Variants in ZNF653 observed in about 807,000 individuals in gnomAD.
ZNF653 encodes the protein zinc finger protein 653.
A neutral mutation model predicts 59.9 loss-of-function variants in ZNF653; 37 were observed. That is an observed-to-expected ratio of 0.62 (90% CI 0.48 to 0.81). ZNF653 has a LOEUF of 0.81. Ranked by LOEUF, ZNF653 falls within the 40% of genes least tolerant of loss-of-function variation. The pLI, the probability that ZNF653 is intolerant of heterozygous loss-of-function variation, is 0.00. For synonymous variants in ZNF653, 435 were observed against 371.8 expected (o/e 1.17, Z -1.96); for missense variants, 808 against 881.1 (o/e 0.92, Z 1.05).
At chr19:11,490,076 G>C (rs756404081) in intron 3 of ZNF653, among the ~76,000 whole-genome samples, 3 of 152,230 alleles carry the variant, frequency 2.0e-5, no homozygotes, top group Non-Finnish European at 4.4e-5. Flanking sequence ...GATGTCAGCT[G>C]CAAGTCCTGG....
At chr19:11,493,553 T>G (rs1057193995) in intron 3 of ZNF653, among the ~76,000 whole-genome samples, 26 of 152,154 alleles carry the variant, frequency 1.7e-4, no homozygotes, top group African/African-American at 6.3e-4. Context: ...TAATTTCCCC[T>G]TGTCCTGTAT....
At chr19:11,483,922 C>T (rs1971436373) in intron 8 of ZNF653, 63 bp from the exon 9 acceptor site, 1 of 1,515,572 alleles carries the variant, frequency 6.6e-7, no homozygotes, top group Non-Finnish European at 8.8e-7. Context: ...CGGGGCCCTA[C>T]AAGGCCGAGC....
chr19:11,495,820 C>A lies in ZNF653; in HGVS notation c.559+130G>T, dbSNP rs1971580720. ...CTCAGCCTGGCCCATCGTGTCCCTG[C>A]TCTGCCCCAGTGCCAGAGCCAGAGC... is the stretch of plus-strand genomic sequence containing the variant. On this transcript the variant is annotated intron_variant, in intron 3 of 8. Transcript: ENST00000293771. This position sits in a 1 kb window ranked among gnomAD's most constrained non-coding sequence, Gnocchi z 4.9. 2.1e-6 allele frequency: 2 copies of A among 968,324 alleles called. No individual in the cohort carries two copies. The highest frequency in any genetic ancestry group is 1.5e-6 in the Non-Finnish European group (1 of 652,448). 60.0% of individuals were successfully genotyped at this position (968,324 alleles called of 1,614,324 possible). A position where few individuals can be genotyped will look rare whatever the true frequency, so the allele number is the denominator to read the frequency against.
Position 11,483,555 on chromosome 19 carries a change from G to C in ZNF653, c.*127C>G, listed in dbSNP as rs890324387. On this transcript the variant is annotated 3_prime_UTR_variant, in exon 9 of 9. Transcript: ENST00000293771. Reference sequence around the variant, plus strand: ...AACCTGCCCAGGGGGCCCAGCTCTGGGGCGGGGCGGGGGCGCCTCCTTCCG... The same window carrying C: ...AACCTGCCCAGGGGGCCCAGCTCTGCGGCGGGGCGGGGGCGCCTCCTTCCG... 11 of 1,425,140 alleles carry C rather than the reference G, an allele frequency of 7.7e-6. No individual in the cohort carries two copies. The highest frequency in any genetic ancestry group is 1.0e-5 in the Non-Finnish European group (11 of 1,087,392). The allele number at this position is 1,425,140 out of a possible 1,614,324, so 88.3% of individuals were successfully genotyped here.
Position 11,487,743 on chromosome 19 carries a change from C to A in ZNF653, c.720G>T (p.Glu240Asp), listed in dbSNP as rs758865574. The change falls in exon 4 of 9, where the codon GAG (glutamate) becomes GAT (aspartate). Residue 240 changes from glutamate to aspartate, a missense_variant. Physicochemically the swap from Glu to Asp is conservative, Grantham distance 45 (BLOSUM62 2). Transcript: ENST00000293771. This position sits in a 1 kb window ranked among gnomAD's most constrained non-coding sequence, Gnocchi z 5.1. ...PVGSSGLITQEGVHIPFDVHH... is the reference protein window; with the variant it reads ...PVGSSGLITQDGVHIPFDVHH... ...GGACGTCAAAGGGAATGTGCACGCC[C>A]TCCTGAGTGATGAGCCCGCTGCTGC... The A allele has an allele frequency of 3.1e-6, 5 of 1,613,456 alleles. No individual in the cohort carries two copies. The highest frequency in any genetic ancestry group is 1.1e-5 in the South Asian group (1 of 91,070).
In ZNF653 at chr19:11,496,024, G is replaced by C; in HGVS notation, c.485C>G (p.Ala162Gly). ...LYTTAVWQCE[A>G]GHRYFQDLHS... ...CAGGTCCTGGAAGTAGCGGTGGCCA[G>C]CTTCGCACTGCCACACGGCCGTGGT... The change falls in exon 3 of 9, where the codon GCT becomes GGT. Residue 162 changes from alanine (A) to glycine (G), a missense_variant. Coordinates refer to ENST00000293771, the MANE Select transcript of ZNF653 (RefSeq NM_138783.4). The C allele has an allele frequency of 6.2e-7, 1 of 1,614,168 alleles. No homozygotes were observed. The highest frequency in any genetic ancestry group is 8.5e-7 in the Non-Finnish European group (1 of 1,180,024).
intron 2 of ZNF653, 97 bp downstream of exon 2, chr19:11,498,199 C>T (rs1971608121): frequency 3.9e-6 from 6 of 1,555,434 alleles, no homozygotes; most frequent in South Asian, 1.1e-5. Context: ...TCCAACTGTG[C>T]TGCCTAGGGC....
intron 3 of ZNF653, among the ~76,000 whole-genome samples, chr19:11,494,399 C>T (rs1436229216): frequency 6.7e-6 from 1 of 150,270 alleles, no homozygotes; most frequent in African/African-American, 2.5e-5. Flanking sequence ...CATAACATAA[C>T]ATAACATAAG....
At chr19:11,494,021 A>T (rs1351392045) in intron 3 of ZNF653, among the ~76,000 whole-genome samples, 3 of 151,772 alleles carry the variant, frequency 2.0e-5, no homozygotes, top group South Asian at 2.1e-4. Context: ...TGTCTTAAAA[A>T]AAATAAATAA....
In ZNF653 at chr19:11,496,048, G is replaced by A; in HGVS notation, c.461C>T (p.Thr154Ile). Reference protein sequence around the residue: ...AELDPTFGLYTTAVWQCEAGH... With the variant: ...AELDPTFGLYITAVWQCEAGH... Reference sequence around the variant, plus strand: ...AGCTTCGCACTGCCACACGGCCGTGGTGTACAGGCCAAAAGTGGGGTCTAG... The same window carrying A: ...AGCTTCGCACTGCCACACGGCCGTGATGTACAGGCCAAAAGTGGGGTCTAG... The change falls in exon 3 of 9, where the codon ACC becomes ATC. Residue 154 changes from threonine to isoleucine, a missense_variant. Coordinates refer to ENST00000293771, the MANE Select transcript of ZNF653 (RefSeq NM_138783.4). 6.2e-7 allele frequency: 1 copy of A among 1,614,174 alleles called. No homozygotes were observed. Among genetic ancestry groups the A allele is most frequent in the East Asian group, 2.2e-5 (1 of 44,880 alleles).
intron 3 of ZNF653, among the ~76,000 whole-genome samples, chr19:11,488,422 G>T (rs1971494740): frequency 6.6e-6 from 1 of 151,788 alleles, no homozygotes; most frequent in African/African-American, 2.4e-5. Flanking sequence ...TTACAGGTGT[G>T]AGCCACCGCG....
chr19:11,486,806 C>T lies in ZNF653; in HGVS notation c.1418G>A (p.Gly473Asp). The T allele has an allele frequency of 6.2e-7, 1 of 1,611,478 alleles. No individual in the cohort carries two copies. Among genetic ancestry groups the T allele is most frequent in the Non-Finnish European group, 8.5e-7 (1 of 1,178,996 alleles). ...GAGGGCCACGTAGACTTGGCTGCAGCCCTCGTATGGGCAGTGGAACATCTC... is the reference window on the plus strand; with the variant it reads ...GAGGGCCACGTAGACTTGGCTGCAGTCCTCGTATGGGCAGTGGAACATCTC... ...LLEMFHCPYE[G>D]CSQVYVALSS... Residue 473 changes from glycine to aspartate, a missense_variant, in exon 6 of 9, where the codon GGC becomes GAC. Physicochemically the swap from Gly to Asp is moderately conservative, Grantham distance 94 (BLOSUM62 -1). Coordinates refer to ENST00000293771, the MANE Select transcript of ZNF653 (RefSeq NM_138783.4).
At chr19:11,503,480 C>T (rs1029397968) in intron 1 of ZNF653, among the ~76,000 whole-genome samples, 14 of 152,278 alleles carry the variant, frequency 9.2e-5, no homozygotes, top group African/African-American at 1.7e-4. Context: ...CTCTCATGGA[C>T]GATACAATTT....
intron 3 of ZNF653, 105 bp from the exon 4 acceptor site, chr19:11,488,008 G>C: frequency 1.1e-6 from 1 of 915,702 alleles, no homozygotes; most frequent in Non-Finnish European, 1.3e-6. Context: ...ATTTTTTTGA[G>C]ACAGAGTCTC....
chr19:11,483,680 G>A lies in ZNF653; in HGVS notation c.*2C>T, dbSNP rs745816492. 2 of 1,610,892 alleles carry A rather than the reference G, an allele frequency of 1.2e-6. No homozygotes were observed. The highest frequency in any genetic ancestry group is 1.3e-5 in the African/African-American group (1 of 74,834). ...AATAGGGGCGGTCAGTGGTCAGGTGGGTCAGGTGGGCTTGTGATCCGGGTG... is the reference window on the plus strand; with the variant it reads ...AATAGGGGCGGTCAGTGGTCAGGTGAGTCAGGTGGGCTTGTGATCCGGGTG... On this transcript the variant is annotated 3_prime_UTR_variant, in exon 9 of 9. Transcript: ENST00000293771.
rs1049122083 is a variant in ZNF653 at position 11,488,302 on chromosome 19, G to A, written c.560-399C>T. Among the ~76,000 whole-genome samples, 114 of 150,188 alleles carry A rather than the reference G, an allele frequency of 7.6e-4. 2 individuals carry two copies. The highest frequency in any genetic ancestry group is 5.9e-3 in the Admixed American group (89 of 15,050). On this transcript the variant is annotated intron_variant, in intron 3 of 8. Transcript: ENST00000293771. ...GTAGCTGGGACTACAGGCATGTGCC[G>A]CCATGCCCGGCTAATGTTTTGTATT... is the stretch of plus-strand genomic sequence containing the variant.
intron 8 of ZNF653, 42 bp from the exon 9 acceptor site, chr19:11,483,901 G>A (rs566639376): frequency 1.3e-6 from 2 of 1,501,164 alleles, no homozygotes; most frequent in Admixed American, 2.0e-5. Context: ...GTCAGAGTGG[G>A]CGGGGCGGGG....
At position 11,505,523 on chromosome 19, in the gene ZNF653, G is replaced by A. The variant is rs1801460818; in HGVS notation, c.264C>T (p.Ile88=). Residue 88 remains isoleucine, a synonymous_variant, in exon 1 of 9, where the codon ATC becomes ATT. Transcript: ENST00000293771. The stretch of plus-strand genomic sequence containing the variant: ...CGCTCCGCTGGCCGCGCTCCAGAGA[G>A]ATGAGGTAGGCGGCGAGCTTGGCGT... ...WSDAKLAAYL[I]SLERGQRSGR... 1.3e-6 allele frequency: 2 copies of A among 1,515,358 alleles called. No individual in the cohort carries two copies. Among genetic ancestry groups the A allele is most frequent in the East Asian group, 2.8e-5 (1 of 35,546 alleles). 93.9% of individuals were successfully genotyped at this position (1,515,358 alleles called of 1,614,324 possible).
At chr19:11,492,454 A>G (rs1971539247) in intron 3 of ZNF653, among the ~76,000 whole-genome samples, 1 of 152,024 alleles carries the variant, frequency 6.6e-6, no homozygotes, top group South Asian at 2.1e-4. Flanking sequence ...GGTTCAAGCG[A>G]TCCTCCTGCT....
Sources: gnomAD v4.1 joint callset for allele counts (sites outside exome capture counted in the v4.1 genomes callset) on GRCh38, gnomAD v4.1.1 for gene constraint, Gnocchi (gnomAD v3.1) non-coding constraint, MANE v1.5 for transcripts, NCBI Gene and HGNC (gene_info 2026-07-23, HGNC 2026-07-21) for gene names.